AGO2: variants seen among roughly 807,000 people sequenced by gnomAD.
The protein encoded by AGO2 is protein argonaute-2.
A neutral mutation model predicts 102.3 loss-of-function variants in AGO2; 5 were observed. That is an observed-to-expected ratio of 0.05 (90% CI 0.03 to 0.10). AGO2 has a LOEUF of 0.10. Among genes scored for constraint, AGO2 ranks in the 10% least tolerant of loss-of-function variants. The pLI is 1.00. For missense variants in AGO2, 541 were observed against 1,183.7 expected (o/e 0.46, Z 7.97); for synonymous variants, 449 against 473.1 (o/e 0.95, Z 0.66).
chr8:140,594,960 C>A (rs2073803912), intron 1 of AGO2, among the ~76,000 whole-genome samples: 1 of 151,910 alleles, frequency 6.6e-6, no homozygotes, highest in African/African-American at 2.4e-5. Flanking sequence ...CTAATGAAAT[C>A]AAAAACTCCA....
intron 1 of AGO2, among the ~76,000 whole-genome samples, chr8:140,630,913 G>T (rs1425341760): frequency 6.6e-6 from 1 of 152,168 alleles, no homozygotes; most frequent in Admixed American, 6.5e-5. Context: ...CCTTCGCTGG[G>T]CATGGTGGCA....
Position 140,557,758 on chromosome 8 carries a change from A to T in AGO2, c.879-522T>A, listed in dbSNP as rs2073124966. Reference sequence around the variant, plus strand: ...TTGGCCTCTGTGTGGGGATGAGGGCACGGGGGCTGCTAGTGCAGGGCAAAG... The same window carrying T: ...TTGGCCTCTGTGTGGGGATGAGGGCTCGGGGGCTGCTAGTGCAGGGCAAAG... On this transcript the variant is annotated intron_variant, in intron 7 of 18. Coordinates refer to ENST00000220592, the MANE Select transcript of AGO2 (RefSeq NM_012154.5). The surrounding 1 kb of genome is among the most constrained non-coding windows in gnomAD (Gnocchi z 5.9). Among the ~76,000 whole-genome samples the T allele has an allele frequency of 6.6e-6, 1 of 152,194 alleles. No individual in the cohort carries two copies. The highest frequency in any genetic ancestry group is 2.1e-4 in the South Asian group (1 of 4,830).
intron 10 of AGO2, 196 bp downstream of exon 10, chr8:140,555,700 T>C: frequency 1.3e-6 from 1 of 763,586 alleles, no homozygotes; most frequent in Non-Finnish European, 2.0e-6. Context: ...AGGATAATTC[T>C]GAAAAACTTT....
intron 14 of AGO2, among the ~76,000 whole-genome samples, chr8:140,543,154 CA>C (rs905863189): frequency 5.8e-4 from 85 of 147,394 alleles, no homozygotes; most frequent in African/African-American, 2.1e-3. Flanking sequence ...CAAAACAAAA[CA>C]AAAAACAAAA....
chr8:140,579,009 G>A (rs886875042), intron 2 of AGO2, among the ~76,000 whole-genome samples: 1 of 152,094 alleles, frequency 6.6e-6, no homozygotes, highest in Non-Finnish European at 1.5e-5. Flanking sequence ...TTCACATAAC[G>A]ATAAAGCTAA....
At chr8:140,588,906 T>C (rs1273981529) in intron 1 of AGO2, among the ~76,000 whole-genome samples, 1 of 152,258 alleles carries the variant, frequency 6.6e-6, no homozygotes, top group Non-Finnish European at 1.5e-5. Flanking sequence ...TCGGCATCAC[T>C]CAGCACATTT....
At chr8:140,612,774 C>T (rs1185870419) in intron 1 of AGO2, among the ~76,000 whole-genome samples, 2 of 151,844 alleles carry the variant, frequency 1.3e-5, no homozygotes, top group African/African-American at 4.8e-5. Context: ...CAAAATGAAA[C>T]TACTGTTTTT....
upstream of AGO2, chr8:140,636,541 A>G (rs1177661533): frequency 6.6e-6 from 1 of 152,320 alleles, no homozygotes; most frequent in Non-Finnish European, 1.5e-5. Context: ...TTCCCGGAGC[A>G]TTCCTTCACC....
At chr8:140,578,021 TG>T (rs2073494259) in intron 2 of AGO2, among the ~76,000 whole-genome samples, 1 of 152,148 alleles carries the variant, frequency 6.6e-6, no homozygotes, top group Non-Finnish European at 1.5e-5. Context: ...TGCACACCCG[TG>T]GAGTCGGCTG....
At position 140,549,164 on chromosome 8, in the gene AGO2, G is replaced by A. The variant is rs758618443; in HGVS notation, c.1538C>T (p.Ala513Val). ...PMFRHLKNTY[A>V]GLQLVVVILP... ...GATGACCACCACCAGCTGCAGGCCC[G>A]CATACGTGTTCTTCAGGTGCCGGAA... Residue 513 changes from alanine to valine, a missense_variant, in exon 12 of 19, where the codon GCG (alanine) becomes GTG (valine). Physicochemically the swap from Ala to Val is moderately conservative, Grantham distance 64 (BLOSUM62 0). Coordinates refer to ENST00000220592, the MANE Select transcript of AGO2 (RefSeq NM_012154.5). 5.0e-6 allele frequency: 8 copies of A among 1,613,106 alleles called. No individual in the cohort carries two copies. The highest frequency in any genetic ancestry group is 2.7e-5 in the African/African-American group (2 of 74,930).
intron 1 of AGO2, among the ~76,000 whole-genome samples, chr8:140,607,491 TATATATATATATATATATATATATAC>T (rs1307038529): frequency 0.041 from 517 of 12,648 alleles, 28 homozygotes; most frequent in South Asian, 0.14. Flanking sequence ...TATATATATA[TATATATATATATATATATATATATAC>T]ACACACACAC....
intron 2 of AGO2, among the ~76,000 whole-genome samples, chr8:140,583,180 C>T (rs74357765): frequency 0.03 from 4,557 of 152,306 alleles, 121 homozygotes; most frequent in African/African-American, 0.07. Context: ...CCTTTGGGCT[C>T]TAGGACTTAT....
At chr8:140,629,887 G>A (rs933827581) in intron 1 of AGO2, among the ~76,000 whole-genome samples, 1 of 144,312 alleles carries the variant, frequency 6.9e-6, no homozygotes, top group Non-Finnish European at 1.5e-5. Flanking sequence ...AGGGGGAAGA[G>A]GAGGGGAGGG....
Position 140,555,948 on chromosome 8 carries a change from G to C in AGO2, c.1217C>G (p.Thr406Arg). ...EFGIMVKDEM[T>R]DVTGRVLQPP... ...CTGCAGCACCCGCCCAGTCACGTCT[G>C]TCATCTCATCTTTGACCATGATTCC... The change falls in exon 10 of 19, where the codon ACA becomes AGA. Residue 406 changes from threonine (T) to arginine (R), a missense_variant. Physicochemically the swap from Thr to Arg is moderately conservative, Grantham distance 71. Transcript: ENST00000220592. The C allele has an allele frequency of 6.2e-7, 1 of 1,614,210 alleles. No homozygotes were observed. The highest frequency in any genetic ancestry group is 8.5e-7 in the Non-Finnish European group (1 of 1,180,050).
chr8:140,629,851 A>C (rs957477831), intron 1 of AGO2, among the ~76,000 whole-genome samples: 6 of 140,206 alleles, frequency 4.3e-5, no homozygotes, highest in African/African-American at 1.6e-4. Flanking sequence ...AAGAAAAGAA[A>C]AGAGGAGAGG....
intron 12 of AGO2, among the ~76,000 whole-genome samples, chr8:140,548,802 C>G (rs1443259839): frequency 6.6e-6 from 1 of 152,182 alleles, no homozygotes; most frequent in African/African-American, 2.4e-5. Context: ...GTGCGTTAAA[C>G]AAACGTTCCC....
chr8:140,605,964 C>T (rs1170547233), intron 1 of AGO2: 2 of 152,246 alleles, frequency 1.3e-5, no homozygotes, highest in Non-Finnish European at 2.9e-5. Context: ...CCGCACTCTG[C>T]TCAATATTCC....
intron 1 of AGO2, among the ~76,000 whole-genome samples, chr8:140,609,706 T>G (rs2074051010): frequency 6.6e-6 from 1 of 152,138 alleles, no homozygotes; most frequent in African/African-American, 2.4e-5. Context: ...CTCTTCAGCA[T>G]CTAGAAGAAG....
rs749083408 is a variant in AGO2 at position 140,549,217 on chromosome 8, C to A, written c.1485G>T (p.Ala495=). The change falls in exon 12 of 19, where the codon GCG becomes GCT. Residue 495 remains alanine (A), a synonymous_variant. Transcript: ENST00000220592. ...IQGQPCFCKY[A]QGADSVEPMF... is the part of the protein sequence containing the mutation. Reference sequence around the variant, plus strand: ...TGGGCTCCACGCTGTCCGCCCCCTGCGCGTATTTGCAGAAGCACGGCTGGC... The same window carrying A: ...TGGGCTCCACGCTGTCCGCCCCCTGAGCGTATTTGCAGAAGCACGGCTGGC... 1.9e-6 allele frequency: 3 copies of A among 1,613,526 alleles called. No homozygotes were observed. The highest frequency in any genetic ancestry group is 2.5e-6 in the Non-Finnish European group (3 of 1,179,788).
Sources: gnomAD v4.1 joint callset for allele counts (sites outside exome capture counted in the v4.1 genomes callset) on GRCh38, gnomAD v4.1.1 for gene constraint, Gnocchi (gnomAD v3.1) non-coding constraint, MANE v1.5 for transcripts, NCBI Gene and HGNC (gene_info 2026-07-23, HGNC 2026-07-21) for gene names.